The following LONP2 variants were observed in gnomAD, a reference collection of about 807,000 sequenced individuals.
LONP2 encodes lon peptidase 2, peroxisomal.
In LONP2, 60 loss-of-function variants were observed where a neutral mutation model predicts 85.6. That is an observed-to-expected ratio of 0.70 (90% CI 0.57 to 0.87). The LOEUF is 0.87. Ranked by LOEUF, LONP2 falls within the 40% of genes least tolerant of loss-of-function variation. The pLI is 0.00. For synonymous variants in LONP2, 395 were observed against 389.7 expected (o/e 1.01, Z -0.16); for missense variants, 860 against 1,063.5 (o/e 0.81, Z 2.66).
intron 12 of LONP2, among the ~76,000 whole-genome samples, chr16:48,342,789 T>C (rs1299826888): frequency 1.3e-5 from 2 of 152,228 alleles, no homozygotes; most frequent in Non-Finnish European, 2.9e-5. Context: ...ATGGATCGCT[T>C]CTGTGGTGAC....
chr16:48,342,906 A>G (rs1301639524), intron 12 of LONP2, among the ~76,000 whole-genome samples: 1 of 152,214 alleles, frequency 6.6e-6, no homozygotes, highest in East Asian at 1.9e-4. Context: ...TTGACAGCTC[A>G]GGTTCTGTGT....
chr16:48,296,109 C>A lies in LONP2; in HGVS notation c.1478C>A (p.Thr493Asn). Residue 493 changes from threonine to asparagine, a missense_variant, in exon 9 of 15, where the codon ACC (threonine) becomes AAC (asparagine). By Grantham distance (65) the Thr-to-Asn change is moderately conservative. This residue lies in a region of LONP2 where 743 missense variants were observed against 917.3 expected (regional missense o/e 0.81). Transcript: ENST00000285737. ...SQVLFIATAN[T>N]TATIPAALLD... Reference sequence around the variant, plus strand: ...GTTCTTTTTATAGCTACTGCCAACACCACTGCTACCATTCCAGCTGCCTTG... The same window carrying A: ...GTTCTTTTTATAGCTACTGCCAACAACACTGCTACCATTCCAGCTGCCTTG... 1 of 1,614,182 alleles carries A rather than the reference C, an allele frequency of 6.2e-7. No individual in the cohort carries two copies. Among genetic ancestry groups the A allele is most frequent in the Non-Finnish European group, 8.5e-7 (1 of 1,180,012 alleles).
At chr16:48,337,645 A>G (rs534872034) in intron 12 of LONP2, among the ~76,000 whole-genome samples, 1 of 152,320 alleles carries the variant, frequency 6.6e-6, no homozygotes, top group Non-Finnish European at 1.5e-5. Context: ...CAGAGAGCTC[A>G]CAGGTGGACC....
intron 8 of LONP2, among the ~76,000 whole-genome samples, chr16:48,287,464 T>C (rs1292857751): frequency 1.3e-5 from 2 of 152,254 alleles, no homozygotes; most frequent in African/African-American, 4.8e-5. Context: ...CACTGGTTGT[T>C]TTTGGCAAAT....
chr16:48,323,619 C>G (rs1461990397), intron 11 of LONP2, among the ~76,000 whole-genome samples: 5 of 150,584 alleles, frequency 3.3e-5, no homozygotes, highest in African/African-American at 1.2e-4. Context: ...GATTGTGCCA[C>G]TGCACTCCAG....
At chr16:48,259,268 G>A (rs1400302555) in intron 4 of LONP2, among the ~76,000 whole-genome samples, 1 of 152,044 alleles carries the variant, frequency 6.6e-6, no homozygotes, top group East Asian at 1.9e-4. Context: ...TTTTTAAAAA[G>A]TATTTAATTC....
intron 11 of LONP2, among the ~76,000 whole-genome samples, chr16:48,325,079 G>A (rs1202917595): frequency 5.3e-5 from 8 of 152,170 alleles, no homozygotes; most frequent in Non-Finnish European, 1.2e-4. Flanking sequence ...GACCTGTGGG[G>A]TGGTGGTTTC....
intron 11 of LONP2, among the ~76,000 whole-genome samples, chr16:48,325,478 C>G (rs560505794): frequency 3.9e-4 from 59 of 152,336 alleles, no homozygotes; most frequent in African/African-American, 1.4e-3. Flanking sequence ...AGATCAACTT[C>G]TTTAGATTCC....
At chr16:48,267,996 G>A (rs571536824) in intron 6 of LONP2, among the ~76,000 whole-genome samples, 4 of 152,310 alleles carry the variant, frequency 2.6e-5, no homozygotes, top group African/African-American at 7.2e-5. Flanking sequence ...AAGGAAAGCA[G>A]AGAGGAAAGA....
At chr16:48,277,758 G>A (rs1972242960) in intron 8 of LONP2, among the ~76,000 whole-genome samples, 1 of 151,496 alleles carries the variant, frequency 6.6e-6, no homozygotes, top group South Asian at 2.1e-4. Context: ...ATTCTACACA[G>A]TTATGGCAAA....
chr16:48,270,278 G>A lies in LONP2; in HGVS notation c.1241+4G>A. ...AGTCTGACATTCGAGGACACAGGTA[G>A]AACACTTCTCTCAGTTTAATCTCTG... On this transcript the variant is annotated splice_donor_region_variant and intron_variant, in intron 7 of 14. Coordinates refer to ENST00000285737, the MANE Select transcript of LONP2 (RefSeq NM_031490.5). The A allele has an allele frequency of 1.2e-6, 2 of 1,612,786 alleles. No individual in the cohort carries two copies. Among genetic ancestry groups the A allele is most frequent in the Non-Finnish European group, 1.7e-6 (2 of 1,179,060 alleles).
intron 11 of LONP2, among the ~76,000 whole-genome samples, chr16:48,317,995 G>A (rs1456206611): frequency 1.3e-5 from 2 of 152,012 alleles, no homozygotes; most frequent in Non-Finnish European, 2.9e-5. Context: ...GAAGGAAGTA[G>A]GTATTACATC....
chr16:48,258,745 ATATT>A lies in LONP2; in HGVS notation c.723+11_723+14del. ...AAGCAAGATGATGATAAGAGGGTAA[ATATT>A]TATTTTAACCCATTTCAGTTTTGAA... On this transcript the variant is annotated splice_donor_region_variant and intron_variant, in intron 4 of 14. Coordinates refer to ENST00000285737, the MANE Select transcript of LONP2 (RefSeq NM_031490.5). The A allele has an allele frequency of 1.3e-6, 2 of 1,594,286 alleles. No individual in the cohort carries two copies. Among genetic ancestry groups the A allele is most frequent in the Non-Finnish European group, 1.7e-6 (2 of 1,174,182 alleles).
intron 12 of LONP2, 155 bp downstream of exon 12, chr16:48,334,513 G>A (rs1959578508): frequency 1.1e-5 from 10 of 874,814 alleles, no homozygotes; most frequent in South Asian, 2.9e-5. Context: ...TGGTGTGGCC[G>A]CACTTCTTGC....
rs1436456788 is a variant in LONP2 at position 48,355,278 on chromosome 16, A to G, written c.*3476A>G. On this transcript the variant is annotated 3_prime_UTR_variant, in exon 15 of 15. Transcript: ENST00000285737. The stretch of plus-strand genomic sequence containing the variant: ...CTTTAGGAGGTGATTATGTCATGAG[A>G]GCTCCATCCTCATTAATGGATTTAG... 6.6e-6 allele frequency: 1 copy of G among 152,086 alleles called. No individual in the cohort carries two copies. Among genetic ancestry groups the G allele is most frequent in the Non-Finnish European group, 1.5e-5 (1 of 68,006 alleles). The allele number at this position is 152,086 out of a possible 1,614,324, so 9.4% of individuals were successfully genotyped here. A position where few individuals can be genotyped will look rare whatever the true frequency, so the allele number is the denominator to read the frequency against.
At chr16:48,296,457 G>A (rs1972672976) in intron 9 of LONP2, among the ~76,000 whole-genome samples, 1 of 152,138 alleles carries the variant, frequency 6.6e-6, no homozygotes, top group African/African-American at 2.4e-5. Flanking sequence ...GCTGTGTGTG[G>A]TGGCTCACAC....
chr16:48,296,543 C>T (rs1020460216), intron 9 of LONP2, among the ~76,000 whole-genome samples: 10 of 152,060 alleles, frequency 6.6e-5, no homozygotes, highest in Admixed American at 2.0e-4. Context: ...GCCTGGCCAA[C>T]GTGGTGAAAC....
rs1960288189 is a variant in LONP2, at chr16:48,355,033, A to G, written c.*3231A>G. The G allele has an allele frequency of 6.6e-6, 1 of 152,194 alleles. No individual in the cohort carries two copies. The highest frequency in any genetic ancestry group is 2.4e-5 in the African/African-American group (1 of 41,444). The allele number at this position is 152,194 out of a possible 1,614,324, so 9.4% of individuals were successfully genotyped here. The stretch of plus-strand genomic sequence containing the variant: ...AAATAATACACCACTATATCCATAG[A>G]CCGCATTTGGTTTATCCACTCATCT... On this transcript the variant is annotated 3_prime_UTR_variant, in exon 15 of 15. Coordinates refer to ENST00000285737, the MANE Select transcript of LONP2 (RefSeq NM_031490.5).
At chr16:48,292,115 A>C (rs1972567938) in intron 8 of LONP2, among the ~76,000 whole-genome samples, 1 of 152,220 alleles carries the variant, frequency 6.6e-6, no homozygotes, top group East Asian at 1.9e-4. Flanking sequence ...TCACTGACGC[A>C]TTCATCTAGC....
Sources: gnomAD v4.1 joint callset for allele counts (sites outside exome capture counted in the v4.1 genomes callset) on GRCh38, gnomAD v4.1.1 for gene constraint, gnomAD v4.1.1 regional missense constraint, MANE v1.5 for transcripts, NCBI Gene and HGNC (gene_info 2026-07-23, HGNC 2026-07-21) for gene names.